The following DNAL1 variants were observed in gnomAD, a reference collection of about 807,000 sequenced individuals.
DNAL1 encodes dynein axonemal light chain 1, also known as chromosome 14 open reading frame 168.
In DNAL1, 17 loss-of-function variants were observed where a neutral mutation model predicts 29.4. That is an observed-to-expected ratio of 0.58 (90% CI 0.40 to 0.87). DNAL1 has a LOEUF of 0.87. Ranked by LOEUF, DNAL1 falls within the 40% of genes least tolerant of loss-of-function variation. The pLI is 0.00. For synonymous variants in DNAL1, 78 were observed against 76.3 expected (o/e 1.02, Z -0.12); for missense variants, 188 against 214.1 (o/e 0.88, Z 0.76).
At chr14:73,687,410 A>T in intron 6 of DNAL1, 25 bp downstream of exon 6, 1 of 1,550,304 alleles carries the variant, frequency 6.5e-7, no homozygotes, top group Non-Finnish European at 8.7e-7. Flanking sequence ...GCCCTTTGCT[A>T]ACCTTCTACC....
chr14:73,698,526 T>TTG lies in DNAL1; in HGVS notation c.*2585_*2586insGT, dbSNP rs1566568369. The TTG allele has an allele frequency of 6.6e-6, 1 of 152,118 alleles. No individual in the cohort carries two copies. The highest frequency in any genetic ancestry group is 1.5e-5 in the Non-Finnish European group (1 of 68,068). The allele number at this position is 152,118 out of a possible 1,614,324, so 9.4% of individuals were successfully genotyped here. ...TTTAAATTTTTTCTATTCTGTTTTT[T>TTG]TTTGTTTGTTTGTTTGTTTGTTTTA... is the stretch of plus-strand genomic sequence containing the variant. On this transcript the variant is annotated 3_prime_UTR_variant, in exon 8 of 8. Coordinates refer to ENST00000553645, the MANE Select transcript of DNAL1 (RefSeq NM_031427.4).
intron 4 of DNAL1, among the ~76,000 whole-genome samples, chr14:73,662,630 C>G (rs1013826576): frequency 2.6e-5 from 4 of 152,106 alleles, no homozygotes; most frequent in Non-Finnish European, 1.5e-5. Flanking sequence ...CTGCTGCATT[C>G]CTTGGCTTGT....
At chr14:73,672,533 A>G (rs894286931) in intron 5 of DNAL1, among the ~76,000 whole-genome samples, 36 of 146,942 alleles carry the variant, frequency 2.4e-4, no homozygotes, top group African/African-American at 8.0e-4. Context: ...GCATGAACCC[A>G]GGAGGCGGAG....
chr14:73,655,366 C>T (rs779612671), intron 2 of DNAL1, among the ~76,000 whole-genome samples: 26 of 140,756 alleles, frequency 1.8e-4, no homozygotes, highest in Non-Finnish European at 4.0e-4. Context: ...TTTTTTGAGA[C>T]GGAGTTTCGC....
chr14:73,677,488 A>G (rs1210120279), intron 5 of DNAL1, among the ~76,000 whole-genome samples: 4 of 151,202 alleles, frequency 2.6e-5, no homozygotes, highest in African/African-American at 2.4e-5. Flanking sequence ...TTTAATTTCC[A>G]TTATCTAGTC....
At chr14:73,695,443 A>C (rs1892280053) in intron 7 of DNAL1, among the ~76,000 whole-genome samples, 1 of 152,070 alleles carries the variant, frequency 6.6e-6, no homozygotes, top group African/African-American at 2.4e-5. Flanking sequence ...TTCCCCTGAG[A>C]AGCTTTTCAG....
intron 5 of DNAL1, among the ~76,000 whole-genome samples, chr14:73,675,067 C>T (rs1891699611): frequency 6.6e-6 from 1 of 152,028 alleles, no homozygotes; most frequent in Non-Finnish European, 1.5e-5. Context: ...CCACCTGCCT[C>T]AACCTCCCAA....
In DNAL1 at chr14:73,655,589, T is replaced by C. The variant is rs146149562; in HGVS notation, c.42+704T>C. Among the ~76,000 whole-genome samples, 1,263 of 152,070 alleles carry C rather than the reference T, an allele frequency of 8.3e-3. 25 individuals carry two copies. Among genetic ancestry groups the C allele is most frequent in the African/African-American group, 0.029 (1,195 of 41,498 alleles). On this transcript the variant is annotated intron_variant, in intron 2 of 7. Transcript: ENST00000553645. ...CTCGAACTCCTGACCTCATGTGATC[T>C]GCCTGCCTCAGCCTCCCAAAGTGCT... is the stretch of plus-strand genomic sequence containing the variant.
At position 73,698,755 on chromosome 14, in the gene DNAL1, A is replaced by G. The variant is rs995862264; in HGVS notation, c.*2813A>G. On this transcript the variant is annotated 3_prime_UTR_variant, in exon 8 of 8. Coordinates refer to ENST00000553645, the MANE Select transcript of DNAL1 (RefSeq NM_031427.4). ...CACCGTGCCTGGCCAAATTTCTTCT[A>G]TTCTTGTAAGTGATGGTAAAACTCT... The G allele has an allele frequency of 3.9e-5, 6 of 152,024 alleles. No homozygotes were observed. The highest frequency in any genetic ancestry group is 1.9e-4 in the East Asian group (1 of 5,168). The allele number at this position is 152,024 out of a possible 1,614,324, so 9.4% of individuals were successfully genotyped here.
intron 5 of DNAL1, among the ~76,000 whole-genome samples, chr14:73,680,692 A>G (rs1891854371): frequency 6.6e-6 from 1 of 152,224 alleles, no homozygotes; most frequent in African/African-American, 2.4e-5. Flanking sequence ...AAATACAGTC[A>G]TGCATCACAT....
chr14:73,693,041 G>A (rs1892213234), intron 7 of DNAL1, among the ~76,000 whole-genome samples: 1 of 151,978 alleles, frequency 6.6e-6, no homozygotes, highest in Non-Finnish European at 1.5e-5. Flanking sequence ...TTATCATCTT[G>A]GCAAGGCTGG....
chr14:73,650,853 G>C (rs1049889362), intron 1 of DNAL1, among the ~76,000 whole-genome samples: 1 of 152,078 alleles, frequency 6.6e-6, no homozygotes, highest in Non-Finnish European at 1.5e-5. Flanking sequence ...ATATTGCCTA[G>C]ACTGGCCTTC....
At chr14:73,675,219 C>CAA (rs894167902) in intron 5 of DNAL1, among the ~76,000 whole-genome samples, 2 of 151,928 alleles carry the variant, frequency 1.3e-5, no homozygotes, top group African/African-American at 4.8e-5. Flanking sequence ...CAAACACACA[C>CAA]ACACACACAC....
At chr14:73,672,607 C>CAA (rs35746041) in intron 5 of DNAL1, among the ~76,000 whole-genome samples, 7 of 75,256 alleles carry the variant, frequency 9.3e-5, no homozygotes, top group Admixed American at 4.5e-4. Context: ...GACTCTGTCT[C>CAA]AAAAAAAAAA....
At chr14:73,652,535 C>G (rs1891134389) in intron 1 of DNAL1, among the ~76,000 whole-genome samples, 3 of 152,170 alleles carry the variant, frequency 2.0e-5, no homozygotes, top group African/African-American at 7.2e-5. Flanking sequence ...TTCAGCCTCC[C>G]AAAGCGCTGG....
At chr14:73,679,859 A>G (rs566800777) in intron 5 of DNAL1, among the ~76,000 whole-genome samples, 227 of 150,738 alleles carry the variant, frequency 1.5e-3, no homozygotes, top group African/African-American at 5.1e-3. Context: ...TACATGTGTC[A>G]TGAGGCGCAG....
intron 3 of DNAL1, among the ~76,000 whole-genome samples, 178 bp downstream of exon 3, chr14:73,659,134 A>C (rs1252700721): frequency 6.6e-6 from 1 of 151,762 alleles, no homozygotes; most frequent in Non-Finnish European, 1.5e-5. Context: ...AGGATTATTA[A>C]TAGAAAATAT....
intron 4 of DNAL1, among the ~76,000 whole-genome samples, chr14:73,663,275 A>C (rs1274395206): frequency 1.4e-5 from 2 of 140,408 alleles, no homozygotes; most frequent in East Asian, 4.1e-4. Context: ...GTGCAATCTC[A>C]GCTCACTACA....
intron 4 of DNAL1, among the ~76,000 whole-genome samples, chr14:73,664,450 G>A (rs193274188): frequency 6.6e-5 from 10 of 152,136 alleles, no homozygotes; most frequent in Non-Finnish European, 1.0e-4. Context: ...TCATCTAAAA[G>A]CTTTTAGTAT....
Sources: gnomAD v4.1 joint callset for allele counts (sites outside exome capture counted in the v4.1 genomes callset) on GRCh38, gnomAD v4.1.1 for gene constraint, MANE v1.5 for transcripts, NCBI Gene and HGNC (gene_info 2026-07-23, HGNC 2026-07-21) for gene names.